The following SGCE variants were observed in gnomAD, a reference collection of about 807,000 sequenced individuals.
SGCE encodes the protein sarcoglycan epsilon.
SGCE carries 26 observed loss-of-function variants against 57.8 expected under a neutral mutation model. The observed-to-expected ratio is 0.45, with a 90% confidence interval of 0.33 to 0.62. SGCE has a LOEUF of 0.62. Among genes scored for constraint, SGCE ranks in the 20% least tolerant of loss-of-function variants. The pLI, the probability that SGCE is intolerant of heterozygous loss-of-function variation, is 0.02. For missense variants in SGCE, 468 were observed against 548.6 expected, an observed-to-expected ratio of 0.85 and a Z score of 1.47; for synonymous variants, 183 against 189.5, an observed-to-expected ratio of 0.97 and a Z score of 0.28.
At chr7:94,602,431 G>A (rs1799410794) in intron 6 of SGCE, among the ~76,000 whole-genome samples, 2 of 152,070 alleles carry the variant, frequency 1.3e-5, no homozygotes, top group African/African-American at 4.8e-5. Flanking sequence ...AAGACATGAA[G>A]TGATAATTGT....
rs1319868127 is a variant in SGCE, at chr7:94,618,907, T to C, written c.513A>G (p.Val171=). The C allele has an allele frequency of 2.5e-6, 4 of 1,614,026 alleles. No individual in the cohort carries two copies. In the South Asian group the frequency reaches 3.3e-5, roughly 13 times the overall value. The stretch of plus-strand genomic sequence containing the variant: ...GAACCTCACTGGCCAACATTTCTTC[T>C]ACATTCATATTCTTAATGAAGAATT... The part of the protein sequence containing the change: ...QAEFFIKNMN[V]EEMLASEVLG... The change falls in exon 5 of 11, where the codon GTA becomes GTG. Residue 171 remains valine (V), a synonymous_variant. Transcript: ENST00000648936.
chr7:94,599,384 G>C (rs1201346648), intron 8 of SGCE: 3 of 331,846 alleles, frequency 9.0e-6, no homozygotes, highest in African/African-American at 6.4e-5. Context: ...TGTATGAAAG[G>C]TCTTTTCATC....
intron 10 of SGCE, chr7:94,588,378 A>G: frequency 8.7e-7 from 1 of 1,149,792 alleles, no homozygotes; most frequent in Middle Eastern, 3.8e-4. Flanking sequence ...CAAGCTAAGA[A>G]TCTTTCATAC....
At chr7:94,652,217 C>A (rs772081091) in intron 1 of SGCE, among the ~76,000 whole-genome samples, 6 of 152,146 alleles carry the variant, frequency 3.9e-5, no homozygotes, top group Non-Finnish European at 7.3e-5. Flanking sequence ...AGACCCATAT[C>A]ATCAATTCCC....
At chr7:94,623,237 A>T (rs1803104410) in intron 4 of SGCE, 88 bp downstream of exon 4, 3 of 793,760 alleles carry the variant, frequency 3.8e-6, no homozygotes, top group Non-Finnish European at 6.1e-6. Flanking sequence ...GTGGCATTTT[A>T]AAATTCTTGA....
At chr7:94,615,226 G>GTA (rs1801697245) in intron 5 of SGCE, among the ~76,000 whole-genome samples, 1 of 152,150 alleles carries the variant, frequency 6.6e-6, no homozygotes, top group Non-Finnish European at 1.5e-5. Flanking sequence ...AGGCACAGTG[G>GTA]CAGGTGCCTG....
intron 9 of SGCE, among the ~76,000 whole-genome samples, chr7:94,593,414 G>C (rs1230974608): frequency 6.6e-6 from 1 of 151,784 alleles, no homozygotes; most frequent in Non-Finnish European, 1.5e-5. Context: ...AAAATCAATT[G>C]GTATTGATGT....
intron 5 of SGCE, 124 bp from the exon 6 acceptor site, chr7:94,603,576 A>G (rs1161975410): frequency 2.4e-6 from 2 of 847,608 alleles, no homozygotes; most frequent in Non-Finnish European, 3.8e-6. Context: ...TCCCTGAGGT[A>G]GGGGCCTCGG....
At chr7:94,655,280 G>C (rs979894107) in intron 1 of SGCE, among the ~76,000 whole-genome samples, 2 of 152,178 alleles carry the variant, frequency 1.3e-5, no homozygotes, top group African/African-American at 4.8e-5. Context: ...ATCCACAGCT[G>C]TTTTAAATTG....
At chr7:94,649,624 A>G (rs1267404999) in intron 1 of SGCE, among the ~76,000 whole-genome samples, 2 of 152,242 alleles carry the variant, frequency 1.3e-5, no homozygotes, top group Non-Finnish European at 2.9e-5. Flanking sequence ...AGCCATCTCA[A>G]ACTGCTGTTT....
intron 9 of SGCE, among the ~76,000 whole-genome samples, chr7:94,591,818 C>T (rs1332732384): frequency 6.6e-6 from 1 of 152,114 alleles, no homozygotes. Flanking sequence ...AGAAAAATGC[C>T]ACACACAAAC....
intron 1 of SGCE, among the ~76,000 whole-genome samples, chr7:94,646,889 T>C (rs1807168190): frequency 6.6e-6 from 1 of 152,230 alleles, no homozygotes; most frequent in Non-Finnish European, 1.5e-5. Context: ...TTTCCAATAG[T>C]ATAACCAGGA....
rs1023487828 is a variant in SGCE, at chr7:94,618,349, A to C, written c.662+409T>G. 18 of 172,188 alleles carry C rather than the reference A, an allele frequency of 1.0e-4. No homozygotes were observed. In the South Asian group the frequency reaches 1.1e-3, roughly 11 times the overall value. The allele number at this position is 172,188 out of a possible 1,614,324, so 10.7% of individuals were successfully genotyped here. On this transcript the variant is annotated intron_variant, in intron 5 of 10. Transcript: ENST00000648936. ...AATCCACCCCAGCCATCAGTCACTG[A>C]CACATGGTGGAAAGAATGTTAAAGA... is the stretch of plus-strand genomic sequence containing the variant.
chr7:94,632,383 C>A (rs1161420208), intron 1 of SGCE, among the ~76,000 whole-genome samples: 1 of 152,030 alleles, frequency 6.6e-6, no homozygotes, highest in Non-Finnish European at 1.5e-5. Context: ...TTCTACAGAG[C>A]CAAGACACAA....
At chr7:94,599,590 G>A in intron 8 of SGCE, 107 bp downstream of exon 8, 1 of 882,348 alleles carries the variant, frequency 1.1e-6, no homozygotes, top group Non-Finnish European at 1.9e-6. Flanking sequence ...AATAAACTAT[G>A]AAAGATGACA....
At chr7:94,604,841 AT>A (rs1357492672) in intron 5 of SGCE, among the ~76,000 whole-genome samples, 5 of 73,152 alleles carry the variant, frequency 6.8e-5, no homozygotes, top group South Asian at 6.5e-4. Flanking sequence ...ATATATATAT[AT>A]ATATATATAT....
At chr7:94,602,549 A>G (rs190859144) in intron 6 of SGCE, among the ~76,000 whole-genome samples, 27 of 152,274 alleles carry the variant, frequency 1.8e-4, no homozygotes, top group Admixed American at 1.5e-3. Context: ...AGATCACTAA[A>G]TAATTAAAAC....
chr7:94,625,804 A>G (rs1023258010), intron 3 of SGCE: 1 of 151,994 alleles, frequency 6.6e-6, no homozygotes, highest in African/African-American at 2.4e-5. Context: ...TTGGGTCTCT[A>G]TTGTTTTGTG....
At chr7:94,627,947 A>T (rs1440201778) in intron 3 of SGCE, 1 of 419,470 alleles carries the variant, frequency 2.4e-6, no homozygotes, top group Non-Finnish European at 4.3e-6. Context: ...ATATTATAAT[A>T]ATCTCTTTTA....
Sources: allele counts gnomAD v4.1 joint callset (sites outside exome capture counted in the v4.1 genomes callset), GRCh38; gene constraint gnomAD v4.1.1; transcripts MANE v1.5; gene names NCBI Gene and HGNC (gene_info 2026-07-23, HGNC 2026-07-21).